CLIC5: variants seen among roughly 807,000 people sequenced by gnomAD.
CLIC5 encodes chloride intracellular channel protein 5.
Under a neutral mutation model 24.7 loss-of-function variants are expected in CLIC5, and 20 were observed. That is an observed-to-expected ratio of 0.81 (90% CI 0.57 to 1.18). The LOEUF is 1.18. Ranked by LOEUF, CLIC5 falls within the 50% of genes most tolerant of loss-of-function variation. CLIC5 has a pLI of 0.00. For missense variants in CLIC5, 341 were observed against 326.1 expected, an observed-to-expected ratio of 1.05 and a Z score of -0.35; for synonymous variants, 159 against 135.6, an observed-to-expected ratio of 1.17 and a Z score of -1.20.
At chr6:46,011,488 G>T (rs962554751) in intron 1 of CLIC5, among the ~76,000 whole-genome samples, 1 of 152,220 alleles carries the variant, frequency 6.6e-6, no homozygotes, top group Non-Finnish European at 1.5e-5. Context: ...GATGTAATCG[G>T]CTTGGGGAGC....
chr6:45,959,025 G>A (rs1345964768), intron 1 of CLIC5, among the ~76,000 whole-genome samples: 1 of 152,074 alleles, frequency 6.6e-6, no homozygotes, highest in Non-Finnish European at 1.5e-5. Flanking sequence ...GAGTTATGTA[G>A]CACACTAGCC....
intron 1 of CLIC5, among the ~76,000 whole-genome samples, chr6:46,065,346 GTTT>G (rs58256194): frequency 3.2e-4 from 47 of 145,418 alleles, no homozygotes; most frequent in Admixed American, 8.2e-4. Flanking sequence ...AATTTTCAAG[GTTT>G]TTTTTTTTTT....
chr6:46,012,871 C>G (rs949990046), intron 1 of CLIC5, among the ~76,000 whole-genome samples: 6 of 152,178 alleles, frequency 3.9e-5, no homozygotes, highest in African/African-American at 1.4e-4. Context: ...TTTTCTTTAT[C>G]TTTCACATAA....
At chr6:45,912,154 C>T (rs1762844966) in intron 5 of CLIC5, 28 of 986,306 alleles carry the variant, frequency 2.8e-5, no homozygotes, top group South Asian at 1.9e-4. Context: ...TTTTGGCATC[C>T]GAAGCCAAAC....
At chr6:46,055,743 T>C (rs964564009) in intron 1 of CLIC5, among the ~76,000 whole-genome samples, 6 of 152,178 alleles carry the variant, frequency 3.9e-5, no homozygotes, top group Non-Finnish European at 7.4e-5. Flanking sequence ...GCTAGGCATG[T>C]GTGAGATGTG....
chr6:45,964,230 T>G (rs1764944646), intron 1 of CLIC5, among the ~76,000 whole-genome samples: 1 of 152,190 alleles, frequency 6.6e-6, no homozygotes, highest in South Asian at 2.1e-4. Flanking sequence ...CACAGAATAC[T>G]GTGGTACAGT....
At chr6:46,022,115 A>G (rs1767201210) in intron 1 of CLIC5, among the ~76,000 whole-genome samples, 1 of 152,250 alleles carries the variant, frequency 6.6e-6, no homozygotes. Flanking sequence ...AGGCTGATCA[A>G]CAAAATAAAA....
chr6:46,036,092 C>A (rs1286999158), intron 1 of CLIC5, among the ~76,000 whole-genome samples: 3 of 152,094 alleles, frequency 2.0e-5, no homozygotes, highest in African/African-American at 7.2e-5. Context: ...GCCTCCCCTG[C>A]ACCTTACTTG....
At chr6:46,099,464 T>C in the CLIC5 span, among the ~76,000 whole-genome samples, 1 of 152,214 alleles carries the variant, frequency 6.6e-6, no homozygotes, top group Non-Finnish European at 1.5e-5. Flanking sequence ...GCTTCCCTGA[T>C]GTATTTGTAC....
At chr6:46,080,579 A>G (rs1360809191), upstream of CLIC5, among the ~76,000 whole-genome samples, 1 of 152,188 alleles carries the variant, frequency 6.6e-6, no homozygotes, top group African/African-American at 2.4e-5. Context: ...TTCCTGGTAT[A>G]CACTGAAATT....
chr6:45,953,280 G>A (rs1764530057), intron 2 of CLIC5, among the ~76,000 whole-genome samples: 1 of 152,054 alleles, frequency 6.6e-6, no homozygotes, highest in African/African-American at 2.4e-5. Context: ...TAAAGCATTA[G>A]GGGTGCAGAC....
intron 1 of CLIC5, among the ~76,000 whole-genome samples, chr6:45,991,411 C>A (rs750202647): frequency 9.9e-5 from 15 of 152,180 alleles, no homozygotes; most frequent in Non-Finnish European, 1.9e-4. Context: ...TCTACCAACA[C>A]CCACCAGAGC....
intron 1 of CLIC5, among the ~76,000 whole-genome samples, chr6:45,967,569 T>C (rs1581802216): frequency 1.3e-5 from 2 of 152,182 alleles, no homozygotes; most frequent in Non-Finnish European, 2.9e-5. Flanking sequence ...GGAGGCTGGA[T>C]TGAACAATGC....
At chr6:45,940,555 T>A (rs1405568197) in intron 4 of CLIC5, among the ~76,000 whole-genome samples, 1 of 152,232 alleles carries the variant, frequency 6.6e-6, no homozygotes, top group Non-Finnish European at 1.5e-5. Context: ...TCCTTGGAGC[T>A]TCTGGGGCAT....
intron 1 of CLIC5, among the ~76,000 whole-genome samples, chr6:46,008,940 G>T (rs1167086519): frequency 1.3e-5 from 2 of 152,086 alleles, no homozygotes. Flanking sequence ...CCCATGGTTT[G>T]CACCAGTGGT....
At chr6:46,030,309 C>T (rs1262203311) in intron 1 of CLIC5, among the ~76,000 whole-genome samples, 1 of 152,184 alleles carries the variant, frequency 6.6e-6, no homozygotes, top group Non-Finnish European at 1.5e-5. Flanking sequence ...CTTCCATCAT[C>T]TCAAGTCCAA....
intron 5 of CLIC5, chr6:45,912,231 C>G: frequency 1.0e-6 from 1 of 987,750 alleles, no homozygotes; most frequent in South Asian, 4.7e-5. Flanking sequence ...TTTCTGGGAT[C>G]TGATAAGCTG....
downstream of CLIC5, among the ~76,000 whole-genome samples, chr6:45,895,261 C>T (rs1440294835): frequency 6.6e-6 from 1 of 152,190 alleles, no homozygotes; most frequent in Non-Finnish European, 1.5e-5. Flanking sequence ...ACCCTCCCCT[C>T]AAAGCTTCTA....
At chr6:46,108,404 G>GAT in the CLIC5 span, among the ~76,000 whole-genome samples, 1 of 150,904 alleles carries the variant, frequency 6.6e-6, no homozygotes, top group Non-Finnish European at 1.5e-5. Flanking sequence ...GTGTGTGTGA[G>GAT]AGAGAGAGAG....
Sources: allele counts gnomAD v4.1 joint callset (sites outside exome capture counted in the v4.1 genomes callset), GRCh38; gene constraint gnomAD v4.1.1; transcripts MANE v1.5; gene names NCBI Gene and HGNC (gene_info 2026-07-23, HGNC 2026-07-21).